Variants in ARMC1 observed in about 807,000 individuals in gnomAD.
ARMC1 encodes the protein armadillo repeat containing 1, also known as armadillo repeat-containing protein 1.
Under a neutral mutation model 31.4 loss-of-function variants are expected in ARMC1, and 16 were observed. The ratio of observed to expected loss-of-function variants is 0.51; its 90% CI spans 0.34 to 0.77. The LOEUF (loss-of-function observed/expected upper bound fraction) is 0.77. Ranked by LOEUF, ARMC1 falls within the 30% of genes least tolerant of loss-of-function variation. The pLI is 0.01. For missense variants in ARMC1, 259 were observed against 347.5 expected (o/e 0.75, Z 2.02); for synonymous variants, 114 against 118.9 (o/e 0.96, Z 0.27).
intron 3 of ARMC1, among the ~76,000 whole-genome samples, chr8:65,619,000 G>T (rs759875508): frequency 6.6e-6 from 1 of 151,814 alleles, no homozygotes; most frequent in Admixed American, 6.6e-5. Context: ...CCGAGATCGC[G>T]CCACTGCACT....
intron 4 of ARMC1, among the ~76,000 whole-genome samples, chr8:65,611,842 C>T (rs1439227524): frequency 6.6e-6 from 1 of 151,028 alleles, no homozygotes. Flanking sequence ...GGCGTGATCT[C>T]AGCTCACCAC....
chr8:65,624,243 A>C (rs1476072499), intron 2 of ARMC1, among the ~76,000 whole-genome samples: 2 of 152,088 alleles, frequency 1.3e-5, no homozygotes, highest in Non-Finnish European at 1.5e-5. Flanking sequence ...TCACGCCTAT[A>C]ATCTCAGTAC....
At chr8:65,616,134 G>C (rs1585709593) in intron 3 of ARMC1, among the ~76,000 whole-genome samples, 1 of 152,278 alleles carries the variant, frequency 6.6e-6, no homozygotes, top group East Asian at 1.9e-4. Flanking sequence ...AACTGTAACA[G>C]TAATTCCCTC....
At chr8:65,625,972 T>A (rs796738763) in intron 2 of ARMC1, among the ~76,000 whole-genome samples, 6 of 150,632 alleles carry the variant, frequency 4.0e-5, no homozygotes, top group African/African-American at 1.5e-4. Flanking sequence ...CACTGCAACC[T>A]CTGCCTCCTG....
In ARMC1 at chr8:65,603,452, T is replaced by C. The variant is rs1807936416; in HGVS notation, c.*942A>G. 1.3e-5 allele frequency: 2 copies of C among 152,240 alleles called. No individual in the cohort carries two copies. The highest frequency in any genetic ancestry group is 2.9e-5 in the Non-Finnish European group (2 of 68,036). The allele number at this position is 152,240 out of a possible 1,614,324, so 9.4% of individuals were successfully genotyped here. On this transcript the variant is annotated 3_prime_UTR_variant, in exon 7 of 7. Coordinates refer to ENST00000276569, the MANE Select transcript of ARMC1 (RefSeq NM_018120.6). ...CAATTCATGTTTTAAAGTTGGACTC[T>C]ATACCAAACTGGCATTATGGTATTA...
At chr8:65,604,721 G>T in intron 6 of ARMC1, 136 bp from the exon 7 acceptor site, 1 of 689,888 alleles carries the variant, frequency 1.4e-6, no homozygotes, top group Non-Finnish European at 2.4e-6. Flanking sequence ...AATACAGAAA[G>T]GAGTAAGCAG....
intron 2 of ARMC1, among the ~76,000 whole-genome samples, chr8:65,625,078 G>A (rs1236475325): frequency 1.3e-5 from 2 of 152,198 alleles, no homozygotes; most frequent in Non-Finnish European, 2.9e-5. Context: ...CCAAGATTGT[G>A]CCATTGCTCT....
chr8:65,627,563 AT>A (rs146409542), intron 1 of ARMC1, 130 bp from the exon 2 acceptor site: 24,319 of 485,298 alleles, frequency 0.05, 782 homozygotes, highest in Non-Finnish European at 0.064. Flanking sequence ...AAACTTAGAA[AT>A]CGGCAACTCT....
chr8:65,630,309 T>A (rs1163910149), intron 1 of ARMC1, among the ~76,000 whole-genome samples: 1 of 152,162 alleles, frequency 6.6e-6, no homozygotes, highest in Non-Finnish European at 1.5e-5. Context: ...AACTATAAAT[T>A]ACCAATTTAC....
chr8:65,608,825 C>T (rs1808059965), intron 4 of ARMC1, among the ~76,000 whole-genome samples: 1 of 151,960 alleles, frequency 6.6e-6, no homozygotes, highest in Admixed American at 6.6e-5. Context: ...AGGAGAATTG[C>T]TTGAACCTGG....
intron 4 of ARMC1, among the ~76,000 whole-genome samples, chr8:65,609,092 A>C (rs992241768): frequency 6.6e-6 from 1 of 150,962 alleles, no homozygotes; most frequent in African/African-American, 2.4e-5. Flanking sequence ...TCATGTTTTT[A>C]CTATATATTG....
At chr8:65,618,446 C>T (rs1046520682) in intron 3 of ARMC1, among the ~76,000 whole-genome samples, 5 of 145,260 alleles carry the variant, frequency 3.4e-5, no homozygotes, top group Admixed American at 2.8e-4. Flanking sequence ...GGCCTGAACC[C>T]GGGAGGCAGA....
chr8:65,627,438 A>G lies in ARMC1; in HGVS notation c.-35-5T>C, dbSNP rs1209486350. Reference sequence around the variant, plus strand: ...ACATGAATAAAATCTTAAATTCTGTAGAAAAGGTTTGCAGAATTAGTTCTA... The same window carrying G: ...ACATGAATAAAATCTTAAATTCTGTGGAAAAGGTTTGCAGAATTAGTTCTA... On this transcript the variant is annotated splice_region_variant and splice_polypyrimidine_tract_variant and intron_variant, in intron 1 of 6. Transcript: ENST00000276569. 3.4e-6 allele frequency: 5 copies of G among 1,490,998 alleles called. No individual in the cohort carries two copies. Among genetic ancestry groups the G allele is most frequent in the Non-Finnish European group, 3.6e-6 (4 of 1,114,940 alleles). 92.4% of individuals were successfully genotyped at this position (1,490,998 alleles called of 1,614,324 possible).
intron 1 of ARMC1, among the ~76,000 whole-genome samples, chr8:65,629,669 G>A (rs1808594359): frequency 6.6e-6 from 1 of 151,622 alleles, no homozygotes; most frequent in South Asian, 2.1e-4. Flanking sequence ...CGTGCTGGCG[G>A]GCGCCTGTAA....
chr8:65,622,363 G>A lies in ARMC1; in HGVS notation c.184-9C>T. ...GCCAAGTATCGAAGAGCCTACAGCAGAAGAAGTAATAAGTTAATTCGTCTG... is the reference window on the plus strand; with the variant it reads ...GCCAAGTATCGAAGAGCCTACAGCAAAAGAAGTAATAAGTTAATTCGTCTG... On this transcript the variant is annotated splice_polypyrimidine_tract_variant and intron_variant, in intron 2 of 6. Transcript: ENST00000276569. The A allele has an allele frequency of 6.2e-7, 1 of 1,610,090 alleles. No homozygotes were observed. Among genetic ancestry groups the A allele is most frequent in the Non-Finnish European group, 8.5e-7 (1 of 1,177,320 alleles).
chr8:65,616,378 G>T (rs1808258015), intron 3 of ARMC1, among the ~76,000 whole-genome samples: 1 of 152,244 alleles, frequency 6.6e-6, no homozygotes, highest in Non-Finnish European at 1.5e-5. Context: ...CGAGTGATCT[G>T]CCAGCCTCGG....
intron 6 of ARMC1, among the ~76,000 whole-genome samples, chr8:65,604,895 T>A (rs1807969839): frequency 6.6e-6 from 1 of 152,190 alleles, no homozygotes; most frequent in Non-Finnish European, 1.5e-5. Context: ...GCTCAAGGTA[T>A]ATTTGTTTCC....
At chr8:65,620,212 G>A (rs1420502919) in intron 3 of ARMC1, among the ~76,000 whole-genome samples, 1 of 150,850 alleles carries the variant, frequency 6.6e-6, no homozygotes, top group Non-Finnish European at 1.5e-5. Context: ...AGTGTCACTA[G>A]CCACATGACT....
chr8:65,607,469 G>A (rs1268006655), intron 4 of ARMC1, among the ~76,000 whole-genome samples: 2 of 152,234 alleles, frequency 1.3e-5, no homozygotes, highest in Non-Finnish European at 2.9e-5. Context: ...ACATGCAACA[G>A]TGAGAAACGA....
Sources: gnomAD v4.1 joint callset for allele counts (sites outside exome capture counted in the v4.1 genomes callset) on GRCh38, gnomAD v4.1.1 for gene constraint, MANE v1.5 for transcripts, NCBI Gene and HGNC (gene_info 2026-07-23, HGNC 2026-07-21) for gene names.